The following BBS1 variants were observed in gnomAD, a reference collection of about 807,000 sequenced individuals.
The protein encoded by BBS1 is Bardet-Biedl syndrome 1.
A neutral mutation model predicts 73.9 loss-of-function variants in BBS1; 60 were observed. The observed-to-expected ratio is 0.81, with a 90% confidence interval of 0.66 to 1.01. The LOEUF is 1.01. Ranked by LOEUF, BBS1 falls within the 50% of genes least tolerant of loss-of-function variation. BBS1 has a pLI of 0.00. For synonymous variants in BBS1, 283 were observed against 317.4 expected (o/e 0.89, Z 1.15); for missense variants, 718 against 770.3 (o/e 0.93, Z 0.80).
Position 66,511,230 on chromosome 11 carries a change from G to C in BBS1, c.150G>C (p.Gly50=). The change falls in exon 3 of 17, where the codon GGG becomes GGC. Residue 50 remains glycine (G), a synonymous_variant. Transcript: ENST00000318312. ...CGCTGGCAGATTTACATGGGGATGG[G>C]GAATACAAGGTAAGCATATCACCCT... ...CLALADLHGD[G]EYKLVVGDLG... is the part of the protein sequence containing the mutation. 6.2e-7 allele frequency: 1 copy of C among 1,614,124 alleles called. No individual in the cohort carries two copies. The highest frequency in any genetic ancestry group is 8.5e-7 in the Non-Finnish European group (1 of 1,180,030).
Position 66,532,144 on chromosome 11 carries a change from C to G in BBS1, c.*107C>G. On this transcript the variant is annotated 3_prime_UTR_variant, in exon 17 of 17. Coordinates refer to ENST00000318312, the MANE Select transcript of BBS1 (RefSeq NM_024649.5). The stretch of plus-strand genomic sequence containing the variant: ...GCAGCAGTGTGCTGGGGCGACAGCT[C>G]GTCTCCCCTCTCTTAAGCACCCGCT... 1 of 1,207,744 alleles carries G rather than the reference C, an allele frequency of 8.3e-7. No individual in the cohort carries two copies. The highest frequency in any genetic ancestry group is 1.2e-6 in the Non-Finnish European group (1 of 863,072). The allele number at this position is 1,207,744 out of a possible 1,614,324, so 74.8% of individuals were successfully genotyped here.
intron 3 of BBS1, 103 bp from the exon 4 acceptor site, chr11:66,514,303 T>C: frequency 2.7e-6 from 4 of 1,471,362 alleles, no homozygotes; most frequent in Non-Finnish European, 3.8e-6. Flanking sequence ...AAGCCTTTAT[T>C]GGTGCAGGAA....
intron 7 of BBS1, among the ~76,000 whole-genome samples, chr11:66,518,682 G>T (rs1856109651): frequency 6.6e-6 from 1 of 151,572 alleles, no homozygotes; most frequent in South Asian, 2.1e-4. Context: ...GGCCAGGCTG[G>T]TCTTAAACTT....
rs750291189 is a variant in BBS1 at position 66,530,873 on chromosome 11, C to T, written c.1474-21C>T. On this transcript the variant is annotated intron_variant, in intron 14 of 16. Transcript: ENST00000318312. ...AAGGCTGCCAGGTCCTAAGGGCTTT[C>T]TCCACCCACCCTCTCCATAGGTTCA... 4.6e-5 allele frequency: 75 copies of T among 1,613,992 alleles called. 1 individual carries two copies. Among genetic ancestry groups the T allele is most frequent in the Admixed American group, 1.8e-4 (11 of 59,994 alleles).
chr11:66,522,829 A>C (rs1327431267), intron 9 of BBS1: 1 of 305,138 alleles, frequency 3.3e-6, no homozygotes, highest in African/African-American at 2.2e-5. Flanking sequence ...CTATGGAGAA[A>C]AAATACAAGC....
chr11:66,523,957 C>T (rs1856369099), intron 11 of BBS1, 75 bp downstream of exon 11: 2 of 1,584,746 alleles, frequency 1.3e-6, no homozygotes, highest in African/African-American at 1.3e-5. Flanking sequence ...TTAGCTGCCT[C>T]TTCCGACCAC....
At chr11:66,512,988 G>A (rs907387656) in intron 3 of BBS1, among the ~76,000 whole-genome samples, 15 of 151,626 alleles carry the variant, frequency 9.9e-5, no homozygotes, top group Admixed American at 4.6e-4. Context: ...AAAAAGAAAT[G>A]TTAAATATCT....
Position 66,510,715 on chromosome 11 carries a change from A to G in BBS1, c.47+9A>G, listed in dbSNP as rs755329603. The G allele has an allele frequency of 1.9e-6, 3 of 1,614,006 alleles. No homozygotes were observed. The highest frequency in any genetic ancestry group is 2.5e-6 in the Non-Finnish European group (3 of 1,179,996). On this transcript the variant is annotated intron_variant, in intron 1 of 16. Coordinates refer to ENST00000318312, the MANE Select transcript of BBS1 (RefSeq NM_024649.5). ...GCCTGCGGAGCTGAGAGGTGAAGGCAGGGCTCCTCAAGGCCTCTTTTCCCA... is the reference window on the plus strand; with the variant it reads ...GCCTGCGGAGCTGAGAGGTGAAGGCGGGGCTCCTCAAGGCCTCTTTTCCCA...
Position 66,530,920 on chromosome 11 carries a change from G to A in BBS1, c.1500G>A (p.Lys500=). Residue 500 remains lysine (K), a synonymous_variant, in exon 15 of 17, where the codon AAG becomes AAA. Transcript: ENST00000318312. ...AVVQGLGPTF[K]LTLHLQNTST... is the part of the protein sequence containing the mutation. ...TTCAGGGCCTTGGCCCCACCTTTAAGCTCACACTTCACCTGCAGAACACCT... is the reference window on the plus strand; with the variant it reads ...TTCAGGGCCTTGGCCCCACCTTTAAACTCACACTTCACCTGCAGAACACCT... 1.2e-6 allele frequency: 2 copies of A among 1,614,216 alleles called. No homozygotes were observed. Among genetic ancestry groups the A allele is most frequent in the East Asian group, 4.5e-5 (2 of 44,876 alleles).
intron 3 of BBS1, among the ~76,000 whole-genome samples, chr11:66,511,614 G>A (rs1160681143): frequency 6.6e-6 from 1 of 152,114 alleles, no homozygotes; most frequent in African/African-American, 2.4e-5. Flanking sequence ...TGGGCCATGA[G>A]CTGTCAATTT....
At chr11:66,530,111 T>C (rs949367085) in intron 14 of BBS1, among the ~76,000 whole-genome samples, 159 bp downstream of exon 14, 9 of 152,060 alleles carry the variant, frequency 5.9e-5, no homozygotes, top group African/African-American at 2.2e-4. Flanking sequence ...GAGTCTCATG[T>C]CCTCCTTTGT....
At chr11:66,520,594 C>G (rs541973006) in intron 8 of BBS1, 1 of 156,414 alleles carries the variant, frequency 6.4e-6, no homozygotes, top group Admixed American at 6.1e-5. Flanking sequence ...CCCACATCAG[C>G]CTTTTTAAAG....
chr11:66,523,781 G>C lies in BBS1; in HGVS notation c.1009G>C (p.Glu337Gln). Residue 337 changes from glutamate (E) to glutamine (Q), a missense_variant, in exon 11 of 17, where the codon GAG becomes CAG. Physicochemically the swap from Glu to Gln is conservative, Grantham distance 29. Coordinates refer to ENST00000318312, the MANE Select transcript of BBS1 (RefSeq NM_024649.5). Reference protein sequence around the residue: ...PAAILTMNLLEQHSRGLQAVM... With the variant: ...PAAILTMNLLQQHSRGLQAVM... The stretch of plus-strand genomic sequence containing the variant: ...AGCCATCCTGACCATGAACCTCCTG[G>C]AGCAGCATTCCCGGGGCCTGCAGGC... 6.2e-7 allele frequency: 1 copy of C among 1,613,336 alleles called. No homozygotes were observed. The highest frequency in any genetic ancestry group is 8.5e-7 in the Non-Finnish European group (1 of 1,180,032).
chr11:66,518,059 G>A lies in BBS1; in HGVS notation c.592-1558G>A, dbSNP rs575234291. Among the ~76,000 whole-genome samples the A allele has an allele frequency of 4.0e-3, 601 of 151,120 alleles. 2 individuals are homozygous for A. Among genetic ancestry groups the A allele is most frequent in the Non-Finnish European group, 6.0e-3 (404 of 67,874 alleles). ...CGCAACCTCCGCCTCCTGGGTTCAA[G>A]CGATTCTCCTGCCGCAGCCTCCCGA... On this transcript the variant is annotated intron_variant, in intron 7 of 16. Coordinates refer to ENST00000318312, the MANE Select transcript of BBS1 (RefSeq NM_024649.5).
chr11:66,527,893 CAGG>C (rs1856590161), intron 13 of BBS1, among the ~76,000 whole-genome samples: 1 of 152,038 alleles, frequency 6.6e-6, no homozygotes, highest in Non-Finnish European at 1.5e-5. Flanking sequence ...CCAGACAGGG[CAGG>C]GCAGGGTAAT....
At chr11:66,527,081 G>C (rs1285981524) in intron 13 of BBS1, 3 of 1,485,470 alleles carry the variant, frequency 2.0e-6, no homozygotes, top group African/African-American at 1.4e-5. Flanking sequence ...TTCTCATGAG[G>C]AAAGTAGAAT....
chr11:66,526,500 G>A (rs1856499756), intron 12 of BBS1, 149 bp from the exon 13 acceptor site: 2 of 953,564 alleles, frequency 2.1e-6, no homozygotes, highest in South Asian at 2.7e-5. Context: ...CTATTAAGAT[G>A]CACTTTGTTA....
intron 3 of BBS1, among the ~76,000 whole-genome samples, chr11:66,512,042 G>GTA (rs974371380): frequency 7.0e-5 from 10 of 143,030 alleles, no homozygotes; most frequent in South Asian, 2.2e-4. Context: ...GTATATATAT[G>GTA]TATATATATG....
rs1856010831 is a variant in BBS1 at position 66,514,608 on chromosome 11, A to G, written c.362A>G (p.Tyr121Cys). The G allele has an allele frequency of 6.2e-7, 1 of 1,613,794 alleles. No homozygotes were observed. The highest frequency in any genetic ancestry group is 1.7e-5 in the Admixed American group (1 of 60,000). ...CVYVYKNLRP[Y>C]FKFSLPQLPP... is the part of the protein sequence containing the mutation. Reference sequence around the variant, plus strand: ...TATGTGTATAAGAATCTCAGACCCTACTTCAAGTTCAGCCTGCCCCAATTG... The same window carrying G: ...TATGTGTATAAGAATCTCAGACCCTGCTTCAAGTTCAGCCTGCCCCAATTG... The change falls in exon 4 of 17, where the codon TAC becomes TGC. Residue 121 changes from tyrosine to cysteine, a missense_variant. Coordinates refer to ENST00000318312, the MANE Select transcript of BBS1 (RefSeq NM_024649.5).
Sources: gnomAD v4.1 joint callset for allele counts (sites outside exome capture counted in the v4.1 genomes callset) on GRCh38, gnomAD v4.1.1 for gene constraint, MANE v1.5 for transcripts, NCBI Gene and HGNC (gene_info 2026-07-23, HGNC 2026-07-21) for gene names.